The following TMC4 variants were observed in gnomAD, a reference collection of about 807,000 sequenced individuals.
The protein encoded by TMC4 is voltage-gated chloride channel TMC4.
In TMC4, 70 loss-of-function variants were observed where a neutral mutation model predicts 82.0. That is an observed-to-expected ratio of 0.85 (90% confidence interval 0.70 to 1.04). TMC4 has a LOEUF of 1.04. TMC4 is among the 50% of genes least tolerant of loss of function. The pLI is 0.00. For synonymous variants in TMC4, 446 were observed against 406.0 expected (o/e 1.10, Z -1.18); for missense variants, 879 against 899.0 (o/e 0.98, Z 0.28).
In TMC4 at chr19:54,164,468, A is replaced by T. The variant is rs781115943; in HGVS notation, c.1079T>A (p.Val360Asp). 9 of 1,613,696 alleles carry T rather than the reference A, an allele frequency of 5.6e-6. No homozygotes were observed. Among genetic ancestry groups the T allele is most frequent in the Non-Finnish European group, 7.6e-6 (9 of 1,179,926 alleles). The change falls in exon 7 of 15, where the codon GTC (valine) becomes GAC (aspartate). Residue 360 changes from valine to aspartate, a missense_variant. Transcript: ENST00000619895. ...VALLGAAFYG[V>D]YWATGCTVEL... ...CACGGTGCACCCCGTAGCCCAGTAGACGCCATAGAAGGCTGCCCCCAGGAG... is the reference window on the plus strand; with the variant it reads ...CACGGTGCACCCCGTAGCCCAGTAGTCGCCATAGAAGGCTGCCCCCAGGAG...
At chr19:54,163,507 C>T (rs749208077) in intron 8 of TMC4, 47 of 630,622 alleles carry the variant, frequency 7.5e-5, no homozygotes, top group Non-Finnish European at 1.3e-4. Flanking sequence ...GGGGTTTCAT[C>T]ATGTTTGTCA....
Position 54,173,058 on chromosome 19 carries a change from G to T in TMC4, c.60C>A (p.Ala20=). Residue 20 remains alanine, a synonymous_variant, in exon 1 of 15, where the codon GCC becomes GCA. Transcript: ENST00000619895. ...EAWGSSREWL[A]PREARGGPSL... The stretch of plus-strand genomic sequence containing the variant: ...CCCTACCTCCTCTGGCCTCCCGGGG[G>T]GCCAGCCACTCCCTAGAGGAGCCCC... 6.2e-7 allele frequency: 1 copy of T among 1,613,484 alleles called. No homozygotes were observed. The highest frequency in any genetic ancestry group is 8.5e-7 in the Non-Finnish European group (1 of 1,179,722).
At position 54,160,246 on chromosome 19, in the gene TMC4, T is replaced by G; in HGVS notation, c.*60A>C. ...TTCTCCAGTTCTCCTAGTTTACAGATGTTGTGACCTAGGCTTACAATGGGC... is the reference window on the plus strand; with the variant it reads ...TTCTCCAGTTCTCCTAGTTTACAGAGGTTGTGACCTAGGCTTACAATGGGC... On this transcript the variant is annotated 3_prime_UTR_variant, in exon 15 of 15. Transcript: ENST00000619895. 2 of 1,463,576 alleles carry G rather than the reference T, an allele frequency of 1.4e-6. No individual in the cohort carries two copies. The highest frequency in any genetic ancestry group is 4.6e-5 in the Admixed American group (2 of 43,062). 90.7% of individuals were successfully genotyped at this position (1,463,576 alleles called of 1,614,324 possible).
In TMC4 at chr19:54,163,895, C is replaced by G. The variant is rs577802032; in HGVS notation, c.1114-8G>C. On this transcript the variant is annotated splice_region_variant and splice_polypyrimidine_tract_variant and intron_variant, in intron 7 of 14. Coordinates refer to ENST00000619895, the MANE Select transcript of TMC4 (RefSeq NM_144686.4). ...CTGGACAAGGGGCATCTCCTGGGAGCGGGATGGACCATGAGTAGAGGCTTG... is the reference window on the plus strand; with the variant it reads ...CTGGACAAGGGGCATCTCCTGGGAGGGGGATGGACCATGAGTAGAGGCTTG... 1.2e-6 allele frequency: 2 copies of G among 1,613,518 alleles called. No homozygotes were observed.
intron 1 of TMC4, 65 bp downstream of exon 1, chr19:54,172,974 C>T (rs1424801451): frequency 6.9e-7 from 1 of 1,457,348 alleles, no homozygotes; most frequent in East Asian, 2.3e-5. Flanking sequence ...CCCTTTCCTC[C>T]TCCAGCAGGA....
intron 3 of TMC4, 103 bp from the exon 4 acceptor site, chr19:54,168,783 C>CA: frequency 3.1e-6 from 1 of 327,128 alleles, no homozygotes; most frequent in Non-Finnish European, 4.9e-6. Flanking sequence ...TTCTTTCTTT[C>CA]TTTTCTTTTC....
chr19:54,165,508 TGTAGCTGGTCAGAGCCTC>T lies in TMC4; in HGVS notation c.838_855del (p.Glu280_Tyr285del). ...TCCCAGGCCGAGAACACCCGGTGGC[TGTAGCTGGTCAGAGCCTC>T]GGACTCCGCCAGCAGTGTCTGCTTC... On this transcript the variant is annotated inframe_deletion, in exon 6 of 15. Coordinates refer to ENST00000619895, the MANE Select transcript of TMC4 (RefSeq NM_144686.4). 6.2e-7 allele frequency: 1 copy of T among 1,612,848 alleles called. No homozygotes were observed. The highest frequency in any genetic ancestry group is 2.2e-5 in the East Asian group (1 of 44,842).
chr19:54,161,930 A>G (rs1441367538), intron 11 of TMC4, among the ~76,000 whole-genome samples, 172 bp downstream of exon 11: 5 of 151,970 alleles, frequency 3.3e-5, no homozygotes, highest in African/African-American at 7.3e-5. Context: ...CCTCAGACAT[A>G]TAAGTCAGAA....
rs1384499227 is a variant in TMC4, at chr19:54,168,969, TCTTTC to T, written c.443-294_443-290del. On this transcript the variant is annotated intron_variant, in intron 3 of 14. Transcript: ENST00000619895. Reference sequence around the variant, plus strand: ...CTTCCTTCCTTCCTTCCTTCCTTCTTCTTTCTCTCTCTCTCTCTCTCTCTCTATAT... The same window carrying T: ...CTTCCTTCCTTCCTTCCTTCCTTCTTTCTCTCTCTCTCTCTCTCTCTATAT... 5.6e-3 allele frequency among the ~76,000 whole-genome samples: 169 copies of T among 29,986 alleles called. 52 individuals carry two copies. The highest frequency in any genetic ancestry group is 0.022 in the African/African-American group (119 of 5,526). The allele number at this position is 29,986 out of a possible 152,430, so 19.7% of individuals were successfully genotyped here.
At chr19:54,171,010 G>A (rs984641172) in intron 2 of TMC4, among the ~76,000 whole-genome samples, 2 of 142,564 alleles carry the variant, frequency 1.4e-5, no homozygotes, top group Admixed American at 7.3e-5. Flanking sequence ...ACTGATCGGT[G>A]TGGGAGTGTT....
At chr19:54,171,072 C>A (rs1456413293) in intron 2 of TMC4, among the ~76,000 whole-genome samples, 1 of 50,246 alleles carries the variant, frequency 2.0e-5, no homozygotes, top group Admixed American at 2.1e-4. Flanking sequence ...CATATATATA[C>A]ATATATATGT....
In TMC4 at chr19:54,168,798, T is replaced by TTTTC. The variant is rs1227633105; in HGVS notation, c.443-122_443-119dup. 6.5e-5 allele frequency: 3 copies of TTTTC among 45,860 alleles called. 1 individual carries two copies. Among genetic ancestry groups the TTTTC allele is most frequent in the African/African-American group, 3.4e-4 (1 of 2,914 alleles). 2.8% of individuals were successfully genotyped at this position (45,860 alleles called of 1,614,324 possible). A position where few individuals can be genotyped will look rare whatever the true frequency, so the allele number is the denominator to read the frequency against. ...TTCTTTCTTTCTTTTCTTTTCTTTC[T>TTTTC]TTTCTTTTCTTTTCTTTTCTTTTCT... On this transcript the variant is annotated intron_variant, in intron 3 of 14. Coordinates refer to ENST00000619895, the MANE Select transcript of TMC4 (RefSeq NM_144686.4).
At chr19:54,165,065 A>C (rs946571907) in intron 6 of TMC4, among the ~76,000 whole-genome samples, 14 of 146,302 alleles carry the variant, frequency 9.6e-5, no homozygotes, top group African/African-American at 3.6e-4. Context: ...TTAAAAAAAA[A>C]CAAACTTTTT....
chr19:54,165,594 A>G (rs371288048), intron 5 of TMC4, 28 bp from the exon 6 acceptor site: 13 of 1,586,640 alleles, frequency 8.2e-6, no homozygotes, highest in Non-Finnish European at 1.7e-6. Context: ...GGAGACGGGA[A>G]GTGAAAGGAC....
rs200146593 is a variant in TMC4, at chr19:54,168,607, A to G, written c.516T>C (p.Ser172=). 9.0e-5 allele frequency: 144 copies of G among 1,596,766 alleles called. No homozygotes were observed. The East Asian group carries it at 2.9e-3, about 32-fold the overall frequency. The change falls in exon 4 of 15, where the codon TCT becomes TCC. Residue 172 remains serine (S), a synonymous_variant. Transcript: ENST00000619895. ...RFLLLLNVLA[S]VLMACMTLLP... ...GCAGCGTCATGCAGGCCATGAGCAC[A>G]GAGGCCAGCACGTTAAGAAGGAGCA...
In TMC4 at chr19:54,168,613, CA is replaced by C. The variant is rs1167867183; in HGVS notation, c.509del (p.Leu170ArgfsTer9). 1 of 1,596,048 alleles carries C rather than the reference CA, an allele frequency of 6.3e-7. No individual in the cohort carries two copies. Among genetic ancestry groups the C allele is most frequent in the Non-Finnish European group, 8.5e-7 (1 of 1,171,712 alleles). ...LLRFLLLLNV[L>X]ASVLMACMTL... Reference sequence around the variant, plus strand: ...TCATGCAGGCCATGAGCACAGAGGCCAGCACGTTAAGAAGGAGCAGGAAGCG... The same window carrying C: ...TCATGCAGGCCATGAGCACAGAGGCCGCACGTTAAGAAGGAGCAGGAAGCG... On this transcript the variant is annotated frameshift_variant, in exon 4 of 15. Transcript: ENST00000619895. LOFTEE classifies it high-confidence loss of function.
Position 54,160,213 on chromosome 19 carries a change from G to A in TMC4, c.*93C>T. The A allele has an allele frequency of 1.5e-6, 2 of 1,345,082 alleles. No individual in the cohort carries two copies. Among genetic ancestry groups the A allele is most frequent in the South Asian group, 3.4e-5 (2 of 58,642 alleles). 83.3% of individuals were successfully genotyped at this position (1,345,082 alleles called of 1,614,324 possible). On this transcript the variant is annotated 3_prime_UTR_variant, in exon 15 of 15. Transcript: ENST00000619895. ...CTCCAGATACCAAAGCTGGAAGGGC[G>A]TGGAGTCTTCTCCAGTTCTCCTAGT...
At chr19:54,161,907 T>G (rs1329027929) in intron 11 of TMC4, among the ~76,000 whole-genome samples, 195 bp downstream of exon 11, 1 of 152,108 alleles carries the variant, frequency 6.6e-6, no homozygotes, top group African/African-American at 2.4e-5. Context: ...CCCCGGAGTC[T>G]GAGTCCCCAG....
chr19:54,163,665 A>T (rs1192940755), intron 8 of TMC4, 59 bp downstream of exon 8: 1 of 1,585,904 alleles, frequency 6.3e-7, no homozygotes, highest in South Asian at 1.1e-5. Flanking sequence ...GTCAGCGCCA[A>T]CATCCCTCTG....
Sources: allele counts gnomAD v4.1 joint callset (sites outside exome capture counted in the v4.1 genomes callset), GRCh38; gene constraint gnomAD v4.1.1; transcripts MANE v1.5; gene names NCBI Gene and HGNC (gene_info 2026-07-23, HGNC 2026-07-21).